Variants in HELB observed in about 807,000 individuals in gnomAD.
HELB encodes the protein DNA helicase B.
In HELB, 96 loss-of-function variants were observed where a neutral mutation model predicts 101.7. The observed-to-expected ratio is 0.94, with a 90% confidence interval of 0.80 to 1.12. The LOEUF (loss-of-function observed/expected upper bound fraction) is 1.12. Ranked by LOEUF, HELB falls within the 50% of genes most tolerant of loss-of-function variation. The pLI is 0.00. For missense variants in HELB, 1,210 were observed against 1,291.9 expected, an observed-to-expected ratio of 0.94 and a Z score of 0.97; for synonymous variants, 437 against 459.7, an observed-to-expected ratio of 0.95 and a Z score of 0.63.
chr12:66,304,942 G>C lies in HELB; in HGVS notation c.399G>C (p.Glu133Asp). The change falls in exon 2 of 13, where the codon GAG becomes GAC. Residue 133 changes from glutamate to aspartate, a missense_variant. This residue lies in a region of HELB where 470 missense variants were observed against 563.1 expected (regional missense o/e 0.83). Coordinates refer to ENST00000247815, the MANE Select transcript of HELB (RefSeq NM_001370285.1). ...QKHICALFLK[E>D]CEVSSDDVNK... is the part of the protein sequence containing the mutation. The stretch of plus-strand genomic sequence containing the variant: ...ATATCTGTGCTCTCTTTCTTAAAGA[G>C]TGTGAGGTCTCCAGTGATGATGTTA... The C allele has an allele frequency of 6.2e-7, 1 of 1,614,024 alleles. No homozygotes were observed. Among genetic ancestry groups the C allele is most frequent in the Non-Finnish European group, 8.5e-7 (1 of 1,179,902 alleles).
chr12:66,315,338 C>T lies in HELB; in HGVS notation c.1955C>T (p.Thr652Ile), dbSNP rs1431420373. 3 of 1,608,818 alleles carry T rather than the reference C, an allele frequency of 1.9e-6. No homozygotes were observed. The highest frequency in any genetic ancestry group is 3.4e-5 in the Admixed American group (2 of 59,376). Residue 652 changes from threonine (T) to isoleucine (I), a missense_variant, in exon 6 of 13, where the codon ACA becomes ATA. Around this residue, in one of 2 missense-constraint regions of HELB, gnomAD observed 740 missense variants for 728.8 expected, o/e 1.02. Coordinates refer to ENST00000247815, the MANE Select transcript of HELB (RefSeq NM_001370285.1). ...AGAAATTGTGCTATTGAGCTAAAGA[C>T]AAACCATAGAGCAGAATCTCAGCTC... ...KSRNCAIELKTNHRAESQLIV... is the reference protein window; with the variant it reads ...KSRNCAIELKINHRAESQLIV...
chr12:66,309,677 T>C, intron 3 of HELB, 29 bp from the exon 4 acceptor site: 1 of 1,495,504 alleles, frequency 6.7e-7, no homozygotes, highest in Non-Finnish European at 9.0e-7. Context: ...ATGATGTTTA[T>C]AAACCAACCT....
Position 66,306,512 on chromosome 12 carries a change from A to C in HELB, c.775A>C (p.Lys259Gln). 1 of 1,568,554 alleles carries C rather than the reference A, an allele frequency of 6.4e-7. No individual in the cohort carries two copies. The highest frequency in any genetic ancestry group is 8.6e-7 in the Non-Finnish European group (1 of 1,159,050). ...GTHPWKLGFS[K>Q]ITYREWKLLR... ...ACATCCGTGGAAACTTGGATTTAGT[A>C]AAGTAAGTAAAACATTTGCTCAGCA... The change falls in exon 3 of 13, where the codon AAA (lysine) becomes CAA (glutamine). Residue 259 changes from lysine to glutamine, a missense_variant and splice_region_variant. Physicochemically the swap from Lys to Gln is moderately conservative, Grantham distance 53 (BLOSUM62 1). This residue lies in a region of HELB where 470 missense variants were observed against 563.1 expected (regional missense o/e 0.83). Coordinates refer to ENST00000247815, the MANE Select transcript of HELB (RefSeq NM_001370285.1).
At chr12:66,321,570 G>C (rs2053671057) in intron 7 of HELB, 1 of 214,394 alleles carries the variant, frequency 4.7e-6, no homozygotes, top group Admixed American at 5.3e-5. Flanking sequence ...TTACTAACAT[G>C]ATCACAAGGA....
chr12:66,340,072 A>G (rs2137023820), downstream of HELB: 1 of 152,344 alleles, frequency 6.6e-6, no homozygotes, highest in South Asian at 2.1e-4. Context: ...AAATGCTGCT[A>G]TGAACATCTG....
intron 9 of HELB, 136 bp downstream of exon 9, chr12:66,322,919 G>C (rs2053688889): frequency 9.8e-6 from 5 of 510,590 alleles, no homozygotes; most frequent in Non-Finnish European, 1.8e-5. Flanking sequence ...GAAATAGAAT[G>C]ATCTCTTCAA....
At chr12:66,340,612 G>T (rs959406078), downstream of HELB, 47 of 183,378 alleles carry the variant, frequency 2.6e-4, 1 homozygote, top group East Asian at 4.6e-3. Context: ...ATATATGTGG[G>T]GGGGGGGCGG....
intron 5 of HELB, 29 bp from the exon 6 acceptor site, chr12:66,315,213 T>C: frequency 6.0e-6 from 9 of 1,509,408 alleles, no homozygotes; most frequent in Non-Finnish European, 8.0e-6. Flanking sequence ...TCAGAGTAAG[T>C]CTTGCTACTG....
At chr12:66,317,138 A>G (rs1008389909) in intron 6 of HELB, among the ~76,000 whole-genome samples, 1 of 152,002 alleles carries the variant, frequency 6.6e-6, no homozygotes, top group Non-Finnish European at 1.5e-5. Flanking sequence ...CAGAAGTTGC[A>G]GTGAGCTGAG....
chr12:66,333,267 C>G (rs1211154123), intron 12 of HELB, among the ~76,000 whole-genome samples: 2 of 152,084 alleles, frequency 1.3e-5, no homozygotes, highest in Non-Finnish European at 2.9e-5. Flanking sequence ...CTATTTTGAC[C>G]AGGTCATGCC....
chr12:66,304,633 G>A, intron 1 of HELB, 98 bp from the exon 2 acceptor site: 5 of 1,095,248 alleles, frequency 4.6e-6, no homozygotes, highest in Non-Finnish European at 6.5e-6. Flanking sequence ...GCTGTAGGGA[G>A]ATTAAAGATA....
intron 4 of HELB, among the ~76,000 whole-genome samples, chr12:66,311,157 G>GA (rs547349703): frequency 0.59 from 85,460 of 144,780 alleles, 26,944 homozygotes; most frequent in Middle Eastern, 0.8. Flanking sequence ...AAGTCTTATG[G>GA]AAAAAAAAAA....
intron 11 of HELB, among the ~76,000 whole-genome samples, chr12:66,327,650 A>G (rs2053757069): frequency 6.6e-6 from 1 of 152,188 alleles, no homozygotes; most frequent in Non-Finnish European, 1.5e-5. Flanking sequence ...TCCAAGTTCA[A>G]TTCCGTTCAA....
At chr12:66,309,440 A>G (rs893778592) in intron 3 of HELB, among the ~76,000 whole-genome samples, 1 of 152,210 alleles carries the variant, frequency 6.6e-6, no homozygotes, top group Non-Finnish European at 1.5e-5. Flanking sequence ...GGATAAGGAA[A>G]GGATTCATAA....
intron 11 of HELB, 125 bp from the exon 12 acceptor site, chr12:66,331,029 T>G: frequency 9.5e-7 from 1 of 1,050,806 alleles, no homozygotes; most frequent in Non-Finnish European, 1.4e-6. Flanking sequence ...AATGGACACA[T>G]AATAATAGTC....
Position 66,309,743 on chromosome 12 carries a change from C to T in HELB, c.815C>T (p.Ala272Val), listed in dbSNP as rs745979225. ...YREWKLLRCE[A>V]SWIAFCQCES... ...GAGTGGAAACTCCTGCGATGTGAGG[C>T]AAGTTGGATAGCATTTTGTCAGTGT... Residue 272 changes from alanine to valine, a missense_variant, in exon 4 of 13, where the codon GCA becomes GTA. Coordinates refer to ENST00000247815, the MANE Select transcript of HELB (RefSeq NM_001370285.1). 1.2e-6 allele frequency: 2 copies of T among 1,612,332 alleles called. No homozygotes were observed. Among genetic ancestry groups the T allele is most frequent in the Non-Finnish European group, 1.7e-6 (2 of 1,178,898 alleles).
chr12:66,331,296 A>G lies in HELB; in HGVS notation c.2813A>G (p.Lys938Arg), dbSNP rs904350023. ...TCTCAGCTCCGGAATGCCATTATGAAAAACAGTTTTCCTAGAAAAACTCGT... is the reference window on the plus strand; with the variant it reads ...TCTCAGCTCCGGAATGCCATTATGAGAAACAGTTTTCCTAGAAAAACTCGT... ...EESQLRNAIM[K>R]NSFPRKTRLK... Residue 938 changes from lysine to arginine, a missense_variant, in exon 12 of 13, where the codon AAA (lysine) becomes AGA (arginine). Transcript: ENST00000247815. 6.2e-7 allele frequency: 1 copy of G among 1,614,224 alleles called. No homozygotes were observed. Among genetic ancestry groups the G allele is most frequent in the Non-Finnish European group, 8.5e-7 (1 of 1,180,038 alleles).
intron 12 of HELB, among the ~76,000 whole-genome samples, chr12:66,332,292 C>G (rs1007032834): frequency 1.3e-5 from 2 of 152,194 alleles, no homozygotes; most frequent in African/African-American, 4.8e-5. Flanking sequence ...GATTGGTGAC[C>G]TGGCTGCCCT....
At position 66,323,878 on chromosome 12, in the gene HELB, A is replaced by G; in HGVS notation, c.2298-105A>G. On this transcript the variant is annotated intron_variant, in intron 9 of 12. Coordinates refer to ENST00000247815, the MANE Select transcript of HELB (RefSeq NM_001370285.1). ...TGAAAGTGTTGTAAATAAAATGTGG[A>G]AATTATTCTGAAAATTGAAACGAGT... The G allele has an allele frequency of 4.0e-6, 3 of 741,886 alleles. No individual in the cohort carries two copies. In the Admixed American group the frequency reaches 7.0e-5, roughly 17 times the overall value. 46.0% of individuals were successfully genotyped at this position (741,886 alleles called of 1,614,324 possible).
Sources: gnomAD v4.1 joint callset for allele counts (sites outside exome capture counted in the v4.1 genomes callset) on GRCh38, gnomAD v4.1.1 for gene constraint, gnomAD v4.1.1 regional missense constraint, MANE v1.5 for transcripts, NCBI Gene and HGNC (gene_info 2026-07-23, HGNC 2026-07-21) for gene names.